The following NEK11 variants were observed in gnomAD, a reference collection of about 807,000 sequenced individuals.
NEK11 encodes the protein NIMA related kinase 11.
Under a neutral mutation model 80.7 loss-of-function variants are expected in NEK11, and 72 were observed. The observed-to-expected ratio is 0.89, with a 90% CI of 0.74 to 1.08. The LOEUF (loss-of-function observed/expected upper bound fraction) is 1.08. Ranked by LOEUF, NEK11 falls within the 50% of genes least tolerant of loss-of-function variation. The probability of loss-of-function intolerance (pLI) is 0.00; values close to 1 mark genes in which losing one functional copy is unlikely to be tolerated. For synonymous variants in NEK11, 251 were observed against 260.7 expected, an observed-to-expected ratio of 0.96 and a Z score of 0.36; for missense variants, 764 against 763.6, an observed-to-expected ratio of 1.00 and a Z score of -0.01.
chr3:131,125,963 T>C (rs1052852561), intron 5 of NEK11, among the ~76,000 whole-genome samples: 3 of 152,228 alleles, frequency 2.0e-5, no homozygotes, highest in South Asian at 2.1e-4. Flanking sequence ...TGCAGAGCCA[T>C]TGAAGGACTT....
intron 17 of NEK11, chr3:131,330,965 T>G (rs2097070811): frequency 6.6e-6 from 1 of 150,976 alleles, no homozygotes; most frequent in Admixed American, 6.6e-5. Context: ...AGGAACCCAC[T>G]CCTACAATAA....
intron 14 of NEK11, among the ~76,000 whole-genome samples, chr3:131,201,741 TG>T (rs2094237827): frequency 1.3e-5 from 2 of 151,974 alleles, no homozygotes; most frequent in Non-Finnish European, 2.9e-5. Flanking sequence ...TTTTTCTTTC[TG>T]GCAGGCATCC....
At chr3:131,180,970 A>G (rs1381763293) in intron 14 of NEK11, among the ~76,000 whole-genome samples, 1 of 152,216 alleles carries the variant, frequency 6.6e-6, no homozygotes, top group Non-Finnish European at 1.5e-5. Flanking sequence ...TTAGCTCCTC[A>G]TTTCTGCCAG....
chr3:131,339,859 T>C (rs1329469182), intron 17 of NEK11, among the ~76,000 whole-genome samples: 1 of 152,186 alleles, frequency 6.6e-6, no homozygotes, highest in Non-Finnish European at 1.5e-5. Context: ...TCTCTAATAA[T>C]ACCCCAAGAT....
intron 16 of NEK11, among the ~76,000 whole-genome samples, chr3:131,257,158 T>A (rs1471217798): frequency 2.0e-5 from 3 of 151,624 alleles, no homozygotes; most frequent in African/African-American, 7.2e-5. Flanking sequence ...GCTAATTTTT[T>A]TTTTTTTTTG....
intron 17 of NEK11, among the ~76,000 whole-genome samples, chr3:131,275,654 GAAATCAAGGCTGC>G (rs532578276): frequency 2.9e-4 from 44 of 152,252 alleles, no homozygotes; most frequent in African/African-American, 9.9e-4. Context: ...AAGGCAAAAG[GAAATCAAGGCTGC>G]AAATCTGCAT....
chr3:131,125,807 G>T (rs1289724793), intron 5 of NEK11, among the ~76,000 whole-genome samples: 1 of 152,200 alleles, frequency 6.6e-6, no homozygotes, highest in African/African-American at 2.4e-5. Context: ...CATCTCCTGT[G>T]AGTGAAGAAC....
At chr3:131,265,463 T>A (rs910810363) in intron 16 of NEK11, among the ~76,000 whole-genome samples, 1 of 152,190 alleles carries the variant, frequency 6.6e-6, no homozygotes, top group African/African-American at 2.4e-5. Context: ...TCTGTGTCTA[T>A]TGAGATAATC....
At chr3:131,234,787 T>C (rs1476342303) in intron 15 of NEK11, among the ~76,000 whole-genome samples, 4 of 152,036 alleles carry the variant, frequency 2.6e-5, no homozygotes, top group Admixed American at 6.6e-5. Context: ...TTTTTTACAT[T>C]ATATCACTTA....
At chr3:131,281,995 C>T (rs2108825215) in intron 17 of NEK11, among the ~76,000 whole-genome samples, 1 of 152,278 alleles carries the variant, frequency 6.6e-6, no homozygotes, top group Admixed American at 6.5e-5. Flanking sequence ...GGGAAGAAAC[C>T]ACTTTTAGCC....
intron 14 of NEK11, among the ~76,000 whole-genome samples, chr3:131,214,726 G>T (rs200917810): frequency 5.6e-4 from 53 of 95,050 alleles, no homozygotes; most frequent in Non-Finnish European, 9.1e-4. Context: ...TGTGTGTGTA[G>T]CAGGGAGTGG....
intron 17 of NEK11, among the ~76,000 whole-genome samples, chr3:131,274,293 A>AT (rs201937927): frequency 0.091 from 13,176 of 144,502 alleles, 938 homozygotes; most frequent in African/African-American, 0.21. Flanking sequence ...TGAACTCATC[A>AT]TTTTTTATGG....
chr3:131,349,577 G>A lies in NEK11; in HGVS notation c.1739G>A (p.Gly580Glu). 2 of 1,614,028 alleles carry A rather than the reference G, an allele frequency of 1.2e-6. No homozygotes were observed. Among genetic ancestry groups the A allele is most frequent in the Non-Finnish European group, 1.7e-6 (2 of 1,179,978 alleles). ...RMRESAMQKL[G>E]TEVFEEVYNY... ...GACAGATCAGCCATGCAGAAGCTGG[G>A]GACAGAAGTATTTGAAGAGGTCTAT... Residue 580 changes from glycine to glutamate, a missense_variant, in exon 18 of 18, where the codon GGG becomes GAG. Transcript: ENST00000383366.
At chr3:131,230,324 CTT>C (rs1198469885) in intron 15 of NEK11, among the ~76,000 whole-genome samples, 1 of 152,104 alleles carries the variant, frequency 6.6e-6, no homozygotes, top group African/African-American at 2.4e-5. Flanking sequence ...GCTTGCATGT[CTT>C]TATAACTTGC....
At chr3:131,241,552 T>G (rs1363955784) in intron 15 of NEK11, among the ~76,000 whole-genome samples, 1 of 152,150 alleles carries the variant, frequency 6.6e-6, no homozygotes, top group East Asian at 1.9e-4. Flanking sequence ...GATGTCATCA[T>G]ATTTGACTTG....
rs561675539 is a variant in NEK11 at position 131,238,576 on chromosome 3, T to G, written c.1561-4860T>G. Reference sequence around the variant, plus strand: ...TTGGGGTTTAGGGAAGACCTACTAATAAGGGAAGTCAAGGAGAATTTCTAG... The same window carrying G: ...TTGGGGTTTAGGGAAGACCTACTAAGAAGGGAAGTCAAGGAGAATTTCTAG... On this transcript the variant is annotated intron_variant, in intron 15 of 17. Transcript: ENST00000383366. Among the ~76,000 whole-genome samples, 4 of 152,146 alleles carry G rather than the reference T, an allele frequency of 2.6e-5. No homozygotes were observed. The East Asian group carries it at 7.8e-4, about 29-fold the overall frequency.
intron 14 of NEK11, among the ~76,000 whole-genome samples, chr3:131,221,998 C>T (rs541277250): frequency 1.3e-5 from 2 of 152,062 alleles, no homozygotes; most frequent in African/African-American, 2.4e-5. Context: ...GAACTAGGCT[C>T]AGGCTGAATC....
chr3:131,192,458 G>A (rs966828286), intron 14 of NEK11, among the ~76,000 whole-genome samples: 2 of 152,102 alleles, frequency 1.3e-5, no homozygotes, highest in Admixed American at 6.6e-5. Flanking sequence ...AAAATTGAAA[G>A]CAGGGTCTCA....
intron 4 of NEK11, among the ~76,000 whole-genome samples, chr3:131,094,271 C>T (rs2149188735): frequency 6.6e-6 from 1 of 151,738 alleles, no homozygotes; most frequent in East Asian, 1.9e-4. Flanking sequence ...GCTGGTGGGT[C>T]ACAAAGGGTT....
Sources: gnomAD v4.1 joint callset for allele counts (sites outside exome capture counted in the v4.1 genomes callset) on GRCh38, gnomAD v4.1.1 for gene constraint, MANE v1.5 for transcripts, NCBI Gene and HGNC (gene_info 2026-07-23, HGNC 2026-07-21) for gene names.